Variants in EFHC1 observed in about 807,000 individuals in gnomAD.
The protein encoded by EFHC1 is EF-hand domain containing 1.
A neutral mutation model predicts 69.9 loss-of-function variants in EFHC1; 53 were observed. That is an observed-to-expected ratio of 0.76 (90% confidence interval 0.61 to 0.95). The LOEUF (loss-of-function observed/expected upper bound fraction) is 0.95, where lower values mean the gene tolerates loss of function less well. Among genes scored for constraint, EFHC1 ranks in the 40% least tolerant of loss-of-function variants. The pLI, the probability that EFHC1 is intolerant of heterozygous loss-of-function variation, is 0.00. For synonymous variants in EFHC1, 256 were observed against 278.4 expected (o/e 0.92, Z 0.80); for missense variants, 739 against 798.7 (o/e 0.93, Z 0.90).
chr6:52,429,511 G>C (rs1254555631), intron 2 of EFHC1, among the ~76,000 whole-genome samples: 4 of 152,174 alleles, frequency 2.6e-5, no homozygotes, highest in Non-Finnish European at 5.9e-5. Flanking sequence ...GTAAGTATTT[G>C]GCTTTATTTC....
intron 5 of EFHC1, among the ~76,000 whole-genome samples, chr6:52,460,039 T>C (rs1765129736): frequency 6.6e-6 from 1 of 152,192 alleles, no homozygotes; most frequent in African/African-American, 2.4e-5. Context: ...TTTTCTTGGG[T>C]ATTTGCCAAG....
At chr6:52,480,155 G>A (rs895447832) in intron 9 of EFHC1, 9 of 450,072 alleles carry the variant, frequency 2.0e-5, no homozygotes, top group Non-Finnish European at 3.2e-5. Flanking sequence ...TCTGTCATGT[G>A]TATTGCATCC....
rs750912328 is a variant in EFHC1 at position 52,452,837 on chromosome 6, G to C, written c.723G>C (p.Gln241His). 6.2e-7 allele frequency: 1 copy of C among 1,614,062 alleles called. No homozygotes were observed. The highest frequency in any genetic ancestry group is 8.5e-7 in the Non-Finnish European group (1 of 1,180,016). The change falls in exon 4 of 11, where the codon CAG (glutamine) becomes CAC (histidine). Residue 241 changes from glutamine to histidine, a missense_variant and splice_region_variant. By Grantham distance (24) the Gln-to-His change is conservative (BLOSUM62 0). Coordinates refer to ENST00000371068, the MANE Select transcript of EFHC1 (RefSeq NM_018100.4). ...AGCAATTTCTCACCTTTGACAAACA[G>C]GTAAGTGACATAGGAACCACAATAG... ...QLKQFLTFDK[Q>H]VLRFYAIWDD... is the part of the protein sequence containing the mutation.
At chr6:52,455,771 TTGCACAGTGCTTTTTTATGAAAAATGCA>T (rs1243216598) in intron 5 of EFHC1, among the ~76,000 whole-genome samples, 2 of 152,226 alleles carry the variant, frequency 1.3e-5, no homozygotes, top group Non-Finnish European at 2.9e-5. Context: ...ATTGCTTCAC[TTGCACAGTGCTTTTTTATGAAAAATGCA>T]GTATTATTTG....
chr6:52,421,440 T>A (rs1764189663), intron 1 of EFHC1, among the ~76,000 whole-genome samples: 1 of 152,182 alleles, frequency 6.6e-6, no homozygotes, highest in South Asian at 2.1e-4. Flanking sequence ...TTTTTTTTTT[T>A]TAAACTCTTG....
At chr6:52,425,021 C>G (rs750253253) in intron 2 of EFHC1, among the ~76,000 whole-genome samples, 1 of 152,122 alleles carries the variant, frequency 6.6e-6, no homozygotes, top group Non-Finnish European at 1.5e-5. Context: ...ACATTTTCAT[C>G]CAGCCAGCCA....
chr6:52,467,107 G>T (rs1163560757), intron 6 of EFHC1, among the ~76,000 whole-genome samples: 1 of 151,796 alleles, frequency 6.6e-6, no homozygotes, highest in Admixed American at 6.6e-5. Flanking sequence ...GATAAGGATG[G>T]TTATCTAACC....
Position 52,490,224 on chromosome 6 carries a change from CAA to C in EFHC1, c.1727_1728del (p.Lys576ArgfsTer5). On this transcript the variant is annotated frameshift_variant, in exon 10 of 11. Transcript: ENST00000371068. LOFTEE classifies it high-confidence loss of function. Reference protein sequence around the residue: ...IQKQLKDHSCKDNIREAFQIY... With the variant: ...IQKQLKDHSCXDNIREAFQIY... ...AGAAGCAACTGAAAGATCACTCATG[CAA>C]AGACAACATTCGTGAGGCATTTCAA... is the stretch of plus-strand genomic sequence containing the variant. The C allele has an allele frequency of 6.2e-7, 1 of 1,614,088 alleles. No homozygotes were observed. The highest frequency in any genetic ancestry group is 8.5e-7 in the Non-Finnish European group (1 of 1,179,966).
rs534021346 is a variant in EFHC1, at chr6:52,427,674, A to G, written c.285+3507A>G. On this transcript the variant is annotated intron_variant, in intron 2 of 10. Coordinates refer to ENST00000371068, the MANE Select transcript of EFHC1 (RefSeq NM_018100.4). ...GGTAAGGACTTATATAGTTTATTAT[A>G]TATTTAGTGCTCAATAAATATCAGT... Among the ~76,000 whole-genome samples the G allele has an allele frequency of 3.3e-5, 5 of 152,130 alleles. No individual in the cohort carries two copies. In the South Asian group the frequency reaches 8.3e-4, roughly 25 times the overall value.
At chr6:52,428,402 C>T (rs2113970460) in intron 2 of EFHC1, among the ~76,000 whole-genome samples, 1 of 152,184 alleles carries the variant, frequency 6.6e-6, no homozygotes, top group Non-Finnish European at 1.5e-5. Flanking sequence ...TTTGCATCCT[C>T]ATACCTTAGC....
rs1333292789 is a variant in EFHC1, at chr6:52,495,423, G to C, written c.*3082G>C. 4.4e-6 allele frequency: 2 copies of C among 454,084 alleles called. No homozygotes were observed. The highest frequency in any genetic ancestry group is 1.6e-5 in the South Asian group (1 of 64,480). The allele number at this position is 454,084 out of a possible 1,614,324, so 28.1% of individuals were successfully genotyped here. A position where few individuals can be genotyped will look rare whatever the true frequency, so the allele number is the denominator to read the frequency against. On this transcript the variant is annotated 3_prime_UTR_variant, in exon 11 of 11. Coordinates refer to ENST00000371068, the MANE Select transcript of EFHC1 (RefSeq NM_018100.4). ...ATCACTCTTGCCTCCTGTGGTAGAGGAGCTTTGGGCTACTCCTTAACAAAT... is the reference window on the plus strand; with the variant it reads ...ATCACTCTTGCCTCCTGTGGTAGAGCAGCTTTGGGCTACTCCTTAACAAAT...
At chr6:52,488,281 T>A (rs1358203100) in intron 9 of EFHC1, 1 of 152,220 alleles carries the variant, frequency 6.6e-6, no homozygotes, top group Non-Finnish European at 1.5e-5. Context: ...ATTCATCAGA[T>A]AAACACATTC....
Position 52,493,924 on chromosome 6 carries a change from T to C in EFHC1, c.*1583T>C, listed in dbSNP as rs919908795. 4.2e-5 allele frequency: 19 copies of C among 453,978 alleles called. No homozygotes were observed. Among genetic ancestry groups the C allele is most frequent in the Non-Finnish European group, 7.9e-5 (18 of 226,800 alleles). The allele number at this position is 453,978 out of a possible 1,614,324, so 28.1% of individuals were successfully genotyped here. ...CTCAGAACTTCTAGGGAACTTCCCT[T>C]GGTGTTTCCTTCCCTAACGAGCTCA... On this transcript the variant is annotated 3_prime_UTR_variant, in exon 11 of 11. Transcript: ENST00000371068.
chr6:52,484,064 G>A (rs1765737180), intron 9 of EFHC1: 1 of 152,066 alleles, frequency 6.6e-6, no homozygotes, highest in Admixed American at 6.6e-5. Context: ...AGAATAAATA[G>A]CATGTTTGTA....
In EFHC1 at chr6:52,424,060, G is replaced by A. The variant is rs1430146731; in HGVS notation, c.178G>A (p.Ala60Thr). 6.2e-7 allele frequency: 1 copy of A among 1,614,130 alleles called. No individual in the cohort carries two copies. Among genetic ancestry groups the A allele is most frequent in the Admixed American group, 1.7e-5 (1 of 60,012 alleles). ...DRLQFNQLSQ[A>T]ELDELASKAP... ...GCTCCAGTTCAACCAGCTGTCCCAG[G>A]CTGAGCTGGATGAGTTGGCCAGTAA... is the stretch of plus-strand genomic sequence containing the variant. Residue 60 changes from alanine (A) to threonine (T), a missense_variant, in exon 2 of 11, where the codon GCT (alanine) becomes ACT (threonine). By Grantham distance (58) the Ala-to-Thr change is moderately conservative (BLOSUM62 0). Coordinates refer to ENST00000371068, the MANE Select transcript of EFHC1 (RefSeq NM_018100.4).
At chr6:52,441,613 G>A (rs1764666930) in intron 3 of EFHC1, among the ~76,000 whole-genome samples, 1 of 152,016 alleles carries the variant, frequency 6.6e-6, no homozygotes, top group Admixed American at 6.6e-5. Context: ...GAATTTTAAA[G>A]TATTTTTTTC....
chr6:52,479,680 T>C lies in EFHC1; in HGVS notation c.1533T>C (p.Tyr511=). The change falls in exon 9 of 11, where the codon TAT becomes TAC. Residue 511 remains tyrosine, a synonymous_variant. Coordinates refer to ENST00000371068, the MANE Select transcript of EFHC1 (RefSeq NM_018100.4). The stretch of plus-strand genomic sequence containing the variant: ...TCATCATCCTTGATACAGACGAGTA[T>C]GTTTTGAAATACATGGAGAGCAACG... ...HRFIILDTDE[Y]VLKYMESNAA... is the part of the protein sequence containing the mutation. 6.2e-7 allele frequency: 1 copy of C among 1,614,216 alleles called. No individual in the cohort carries two copies. Among genetic ancestry groups the C allele is most frequent in the South Asian group, 1.1e-5 (1 of 91,078 alleles).
chr6:52,427,203 A>T (rs1168471689), intron 2 of EFHC1, among the ~76,000 whole-genome samples: 1 of 152,192 alleles, frequency 6.6e-6, no homozygotes, highest in African/African-American at 2.4e-5. Flanking sequence ...ATTATGTCAC[A>T]TACTGACTGA....
chr6:52,421,301 G>A (rs569275), intron 1 of EFHC1, among the ~76,000 whole-genome samples: 131,336 of 152,200 alleles, frequency 0.86, 57,021 homozygotes, highest in Non-Finnish European at 0.89. Context: ...CCCCGGCCCT[G>A]TTCTTTTTAT....
Sources: gnomAD v4.1 joint callset for allele counts (sites outside exome capture counted in the v4.1 genomes callset) on GRCh38, gnomAD v4.1.1 for gene constraint, MANE v1.5 for transcripts, NCBI Gene and HGNC (gene_info 2026-07-23, HGNC 2026-07-21) for gene names.